FBLN5: variants seen among roughly 807,000 people sequenced by gnomAD.
FBLN5 encodes fibulin-5.
FBLN5 carries 24 observed loss-of-function variants against 61.6 expected under a neutral mutation model. The ratio of observed to expected loss-of-function variants is 0.39; its 90% confidence interval spans 0.28 to 0.55. The LOEUF is 0.55. Ranked by LOEUF, FBLN5 falls within the 20% of genes least tolerant of loss-of-function variation. The pLI, the probability that FBLN5 is intolerant of heterozygous loss-of-function variation, is 0.65. For synonymous variants in FBLN5, 213 were observed against 219.8 expected (o/e 0.97, Z 0.27); for missense variants, 470 against 594.1 (o/e 0.79, Z 2.17).
At chr14:91,887,409 A>G (rs1889778348) in intron 6 of FBLN5, 97 bp from the exon 7 acceptor site, 17 of 1,224,130 alleles carry the variant, frequency 1.4e-5, no homozygotes, top group Non-Finnish European at 2.0e-5. Context: ...TACCACCACC[A>G]GGAGACCAGA....
chr14:91,912,730 AG>A (rs1891006163), intron 4 of FBLN5, among the ~76,000 whole-genome samples: 1 of 150,366 alleles, frequency 6.7e-6, no homozygotes, highest in Non-Finnish European at 1.5e-5. Context: ...GGATCGCTTG[AG>A]CCCGGGAAAT....
intron 7 of FBLN5, 133 bp from the exon 8 acceptor site, chr14:91,883,209 A>G (rs551231986): frequency 1.0e-6 from 1 of 959,850 alleles, no homozygotes; most frequent in South Asian, 1.3e-5. Context: ...CTGTCAATTC[A>G]CTTCTCCAGC....
rs971147653 is a variant in FBLN5 at position 91,938,064 on chromosome 14, T to C, written c.125-863A>G. 2.0e-5 allele frequency among the ~76,000 whole-genome samples: 3 copies of C among 152,228 alleles called. No homozygotes were observed. In the East Asian group the frequency reaches 5.8e-4, roughly 29 times the overall value. The stretch of plus-strand genomic sequence containing the variant: ...TACATCAAGGATCCTCGTGTGCACA[T>C]ACTATACTCTGAAAATACTGGGATG... On this transcript the variant is annotated intron_variant, in intron 3 of 10. Coordinates refer to ENST00000342058, the MANE Select transcript of FBLN5 (RefSeq NM_006329.4).
chr14:91,884,950 T>C lies in FBLN5; in HGVS notation c.740-1874A>G, dbSNP rs536992860. 1.1e-4 allele frequency among the ~76,000 whole-genome samples: 17 copies of C among 152,268 alleles called. No homozygotes were observed. The South Asian group carries it at 3.3e-3, about 30-fold the overall frequency. ...GGCAGGGAGCATGTATTAGGCCACT[T>C]TCACTCCTCCACATGAGAACCCACC... On this transcript the variant is annotated intron_variant, in intron 7 of 10. Transcript: ENST00000342058.
At chr14:91,945,342 T>C (rs1022732364) in intron 1 of FBLN5, among the ~76,000 whole-genome samples, 3 of 151,970 alleles carry the variant, frequency 2.0e-5, no homozygotes, top group African/African-American at 7.3e-5. Context: ...GGATGCCAGA[T>C]GGAGGAGCTA....
chr14:91,870,487 C>G, intron 10 of FBLN5, 102 bp from the exon 11 acceptor site: 1 of 1,102,372 alleles, frequency 9.1e-7, no homozygotes, highest in Non-Finnish European at 1.4e-6. Flanking sequence ...ACTGGCACCC[C>G]CTCGGTGCCT....
Position 91,934,266 on chromosome 14 carries a change from C to T in FBLN5, c.379+2681G>A, listed in dbSNP as rs987529896. On this transcript the variant is annotated intron_variant, in intron 4 of 10. Transcript: ENST00000342058. ...CTTCAGCACTGACTCTGAGCACCCT[C>T]GAACAAATCTATACCTCACTGAGCC... 3.3e-5 allele frequency among the ~76,000 whole-genome samples: 5 copies of T among 152,176 alleles called. No individual in the cohort carries two copies. In the East Asian group the frequency reaches 5.8e-4, roughly 18 times the overall value.
In FBLN5 at chr14:91,943,910, G is replaced by C. The variant is rs2056145156; in HGVS notation, c.18-949C>G. Reference sequence around the variant, plus strand: ...GAAACCCGCGGGAAAACAGGAGGAGGAGTCACGCACCCTGGGCTCAGTTCT... The same window carrying C: ...GAAACCCGCGGGAAAACAGGAGGAGCAGTCACGCACCCTGGGCTCAGTTCT... On this transcript the variant is annotated intron_variant, in intron 1 of 10. Coordinates refer to ENST00000342058, the MANE Select transcript of FBLN5 (RefSeq NM_006329.4). The surrounding 1 kb of genome is among the most constrained non-coding windows in gnomAD (Gnocchi z 4.0). 6.6e-6 allele frequency among the ~76,000 whole-genome samples: 1 copy of C among 152,078 alleles called. No individual in the cohort carries two copies. Among genetic ancestry groups the C allele is most frequent in the Non-Finnish European group, 1.5e-5 (1 of 68,006 alleles).
At chr14:91,917,575 C>CAAAAAAAAAAAAA (rs34458933) in intron 4 of FBLN5, among the ~76,000 whole-genome samples, 2 of 63,472 alleles carry the variant, frequency 3.2e-5, no homozygotes, top group African/African-American at 6.6e-5. Flanking sequence ...GACTCCATCT[C>CAAAAAAAAAAAAA]AAAAAAAAAA....
intron 4 of FBLN5, among the ~76,000 whole-genome samples, chr14:91,898,478 T>C (rs2498838): frequency 0.82 from 124,803 of 152,088 alleles, 52,327 homozygotes; most frequent in Admixed American, 0.91. Context: ...CGGTGGGCTT[T>C]CTCGGGGGGA....
chr14:91,894,333 G>T (rs1465586797), intron 5 of FBLN5, among the ~76,000 whole-genome samples: 5 of 135,040 alleles, frequency 3.7e-5, no homozygotes, highest in African/African-American at 1.3e-4. Flanking sequence ...AACCCAGGAG[G>T]TAGAGATTGC....
chr14:91,916,285 A>C (rs1226774091), intron 4 of FBLN5, among the ~76,000 whole-genome samples: 1 of 152,132 alleles, frequency 6.6e-6, no homozygotes, highest in Non-Finnish European at 1.5e-5. Flanking sequence ...ATCTCTACAA[A>C]AAGAATACAA....
chr14:91,934,525 A>C (rs1190912225), intron 4 of FBLN5, among the ~76,000 whole-genome samples: 18 of 152,304 alleles, frequency 1.2e-4, no homozygotes, highest in South Asian at 6.2e-4. Flanking sequence ...GCTGCTGCGG[A>C]TGTTACTGTT....
At chr14:91,912,939 T>C (rs1186617692) in intron 4 of FBLN5, among the ~76,000 whole-genome samples, 1 of 152,160 alleles carries the variant, frequency 6.6e-6, no homozygotes, top group Non-Finnish European at 1.5e-5. Flanking sequence ...AGCTGTTCAC[T>C]CATCCATCCA....
intron 2 of FBLN5, 102 bp downstream of exon 2, chr14:91,942,805 A>G (rs2056126597): frequency 2.7e-6 from 2 of 753,626 alleles, no homozygotes; most frequent in African/African-American, 1.7e-5. Flanking sequence ...CTGTAAAGCC[A>G]CTCCCACCCC....
intron 4 of FBLN5, among the ~76,000 whole-genome samples, chr14:91,931,291 G>A (rs1041140568): frequency 3.9e-5 from 6 of 152,142 alleles, no homozygotes; most frequent in Admixed American, 6.5e-5. Context: ...CTTGTGTTGC[G>A]TTTAATCTCC....
intron 4 of FBLN5, 107 bp downstream of exon 4, chr14:91,936,840 T>G (rs556511540): frequency 1.6e-4 from 204 of 1,272,736 alleles, no homozygotes; most frequent in Middle Eastern, 4.4e-4. Flanking sequence ...ATTGTTTCAC[T>G]GGTGCATTGA....
chr14:91,910,726 C>CA (rs1890883802), intron 4 of FBLN5, among the ~76,000 whole-genome samples: 1 of 152,120 alleles, frequency 6.6e-6, no homozygotes, highest in African/African-American at 2.4e-5. Flanking sequence ...TTCTGTAACC[C>CA]CATCTCCACA....
At position 91,946,342 on chromosome 14, in the gene FBLN5, G is replaced by A. The variant is rs562298516; in HGVS notation, c.17+871C>T. On this transcript the variant is annotated intron_variant, in intron 1 of 10. Transcript: ENST00000342058. ...CTAACTATAAGAATAGCTGGGGGGA[G>A]GCAGGTTGGTGCTCATAACCGGTCC... Among the ~76,000 whole-genome samples, 56 of 152,236 alleles carry A rather than the reference G, an allele frequency of 3.7e-4. 1 individual carries two copies. Among genetic ancestry groups the A allele is most frequent in the African/African-American group, 1.3e-3 (56 of 41,558 alleles).
Sources: allele counts gnomAD v4.1 joint callset (sites outside exome capture counted in the v4.1 genomes callset), GRCh38; gene constraint gnomAD v4.1.1; non-coding constraint Gnocchi (gnomAD v3.1); transcripts MANE v1.5; gene names NCBI Gene and HGNC (gene_info 2026-07-23, HGNC 2026-07-21).